COL22A1: variants seen among roughly 807,000 people sequenced by gnomAD.
COL22A1 encodes the protein collagen alpha-1(XXII) chain.
A neutral mutation model predicts 248.9 loss-of-function variants in COL22A1; 221 were observed. The ratio of observed to expected loss-of-function variants is 0.89; its 90% CI spans 0.80 to 0.99. The LOEUF is 0.99. Ranked by LOEUF, COL22A1 falls within the 50% of genes least tolerant of loss-of-function variation. COL22A1 has a pLI of 0.00. For synonymous variants in COL22A1, 891 were observed against 793.4 expected, an observed-to-expected ratio of 1.12 and a Z score of -2.07; for missense variants, 2,240 against 2,179.0, an observed-to-expected ratio of 1.03 and a Z score of -0.56.
intron 7 of COL22A1, among the ~76,000 whole-genome samples, chr8:138,815,644 G>A (rs979267744): frequency 6.6e-6 from 1 of 152,136 alleles, no homozygotes; most frequent in Non-Finnish European, 1.5e-5. Flanking sequence ...CTGTTTCTTA[G>A]CTCAGTTTTT....
At chr8:138,626,111 G>A in intron 51 of COL22A1, 79 bp downstream of exon 51, 1 of 1,114,170 alleles carries the variant, frequency 9.0e-7, no homozygotes, top group Non-Finnish European at 1.3e-6. Context: ...TTTGACAGTG[G>A]AATATATTTT....
intron 41 of COL22A1, 115 bp from the exon 42 acceptor site, chr8:138,663,855 T>G (rs1438508260): frequency 9.0e-6 from 7 of 777,678 alleles, no homozygotes; most frequent in Admixed American, 3.8e-5. Context: ...AGTCACTAAC[T>G]TCCTCCCACC....
chr8:138,623,457 T>C (rs956491274), intron 52 of COL22A1, among the ~76,000 whole-genome samples: 2 of 151,948 alleles, frequency 1.3e-5, no homozygotes, highest in Non-Finnish European at 2.9e-5. Context: ...AACCAAAATG[T>C]GGAGCAGGGA....
intron 7 of COL22A1, among the ~76,000 whole-genome samples, chr8:138,814,405 CT>C (rs1477961989): frequency 1.3e-5 from 2 of 152,204 alleles, no homozygotes; most frequent in African/African-American, 4.8e-5. Flanking sequence ...AGAAGACTGG[CT>C]GCTGTCTTCA....
chr8:138,907,801 C>A (rs1429560717), intron 1 of COL22A1, among the ~76,000 whole-genome samples: 2 of 152,150 alleles, frequency 1.3e-5, no homozygotes, highest in East Asian at 3.9e-4. Flanking sequence ...GAGAGAGGAC[C>A]CACAGGCCAA....
intron 16 of COL22A1, among the ~76,000 whole-genome samples, chr8:138,774,142 G>A (rs1362388165): frequency 6.6e-6 from 1 of 151,970 alleles, no homozygotes; most frequent in East Asian, 2.0e-4. Context: ...AAGAGGTAAC[G>A]GTAAGGGTTT....
intron 39 of COL22A1, among the ~76,000 whole-genome samples, chr8:138,683,284 T>C (rs796462911): frequency 4.6e-5 from 7 of 152,320 alleles, no homozygotes; most frequent in African/African-American, 1.7e-4. Flanking sequence ...TATAAAGTAA[T>C]GAATGCATTG....
chr8:138,704,974 C>T (rs1000686838), intron 30 of COL22A1, among the ~76,000 whole-genome samples: 18 of 152,064 alleles, frequency 1.2e-4, no homozygotes, highest in Admixed American at 2.6e-4. Flanking sequence ...ATGAGAACTA[C>T]GTGATGCATG....
chr8:138,639,407 A>G (rs937180688), intron 47 of COL22A1, among the ~76,000 whole-genome samples: 4 of 152,250 alleles, frequency 2.6e-5, no homozygotes, highest in African/African-American at 9.6e-5. Context: ...ATAGTCAGAA[A>G]GACTGACTGA....
intron 10 of COL22A1, among the ~76,000 whole-genome samples, 184 bp from the exon 11 acceptor site, chr8:138,803,118 C>T (rs1817144355): frequency 6.6e-6 from 1 of 152,172 alleles, no homozygotes; most frequent in East Asian, 1.9e-4. Context: ...AGTCATCTCC[C>T]AACATCACAA....
intron 47 of COL22A1, among the ~76,000 whole-genome samples, chr8:138,643,112 A>T (rs945089035): frequency 2.0e-5 from 3 of 152,084 alleles, no homozygotes; most frequent in Non-Finnish European, 2.9e-5. Flanking sequence ...TTACTTAAGG[A>T]TCAGTTAAAA....
chr8:138,846,339 A>C (rs1821242760), intron 3 of COL22A1, among the ~76,000 whole-genome samples: 1 of 152,202 alleles, frequency 6.6e-6, no homozygotes, highest in East Asian at 1.9e-4. Context: ...AAATCTCTGG[A>C]GGCTGGCGGC....
chr8:138,603,156 G>A (rs1818169457), intron 59 of COL22A1, among the ~76,000 whole-genome samples: 1 of 152,172 alleles, frequency 6.6e-6, no homozygotes, highest in African/African-American at 2.4e-5. Context: ...TTTCATGCAG[G>A]TGCCATGTTC....
intron 3 of COL22A1, among the ~76,000 whole-genome samples, chr8:138,865,205 C>T (rs921175700): frequency 1.2e-4 from 19 of 152,152 alleles, no homozygotes; most frequent in Middle Eastern, 3.4e-3. Context: ...GGCAAGTACA[C>T]GTAGATTGTT....
intron 1 of COL22A1, among the ~76,000 whole-genome samples, chr8:138,889,799 G>A (rs955279838): frequency 2.6e-5 from 4 of 152,274 alleles, no homozygotes; most frequent in Admixed American, 1.3e-4. Flanking sequence ...ATCATCCATC[G>A]TTGTTCAGTA....
intron 30 of COL22A1, among the ~76,000 whole-genome samples, chr8:138,714,921 G>T (rs139672737): frequency 6.6e-6 from 1 of 152,124 alleles, no homozygotes; most frequent in Non-Finnish European, 1.5e-5. Context: ...TGCTCAGCTC[G>T]TTCTTCACAC....
chr8:138,890,332 T>C (rs1000729290), intron 1 of COL22A1, among the ~76,000 whole-genome samples: 1 of 152,224 alleles, frequency 6.6e-6, no homozygotes, highest in African/African-American at 2.4e-5. Flanking sequence ...GATGCTTCTT[T>C]GCCGTATCTA....
At chr8:138,596,403 G>T (rs1817541411) in intron 62 of COL22A1, among the ~76,000 whole-genome samples, 1 of 152,198 alleles carries the variant, frequency 6.6e-6, no homozygotes, top group African/African-American at 2.4e-5. Flanking sequence ...CCTCCAGGAA[G>T]CCTTCATTAA....
chr8:138,656,037 A>T, intron 44 of COL22A1, 93 bp from the exon 45 acceptor site: 1 of 1,013,948 alleles, frequency 9.9e-7, no homozygotes, highest in Non-Finnish European at 1.5e-6. Flanking sequence ...TTAAAGTGTG[A>T]CACAATACGT....
Sources: allele counts gnomAD v4.1 joint callset (sites outside exome capture counted in the v4.1 genomes callset), GRCh38; gene constraint gnomAD v4.1.1; transcripts MANE v1.5; gene names NCBI Gene and HGNC (gene_info 2026-07-23, HGNC 2026-07-21).